The following HYDIN variants were observed in gnomAD, a reference collection of about 807,000 sequenced individuals.
HYDIN encodes axonemal central pair apparatus protein HYDIN.
In HYDIN, 132 loss-of-function variants were observed where a neutral mutation model predicts 403.9. The observed-to-expected ratio is 0.33, with a 90% CI of 0.28 to 0.38. The LOEUF is 0.38. Ranked by LOEUF, HYDIN falls within the 10% of genes least tolerant of loss-of-function variation. The pLI is 1.00. For synonymous variants in HYDIN, 1,202 were observed against 1,891.7 expected (o/e 0.64, Z 9.46); for missense variants, 2,827 against 5,009.5 (o/e 0.56, Z 13.15).
In HYDIN at chr16:70,952,488, CT is replaced by C; in HGVS notation, c.6463del (p.Ser2155AlafsTer50). 6.4e-7 allele frequency: 1 copy of C among 1,571,440 alleles called. No homozygotes were observed. Among genetic ancestry groups the C allele is most frequent in the Non-Finnish European group, 8.7e-7 (1 of 1,154,982 alleles). On this transcript the variant is annotated frameshift_variant, in exon 41 of 86. Coordinates refer to ENST00000393567, the MANE Select transcript of HYDIN (RefSeq NM_001270974.2). LOFTEE classifies it high-confidence loss of function. Reference sequence around the variant, plus strand: ...CCCGGAGCCATGGCTGTCTGCCTTGCTTTTGGTGATCACCACGCTCCCACGA... The same window carrying C: ...CCCGGAGCCATGGCTGTCTGCCTTGCTTTGGTGATCACCACGCTCCCACGA... ...SVRGSVVITK[S>X]KADSHGSGSQ...
At chr16:70,812,724 A>G (rs113800798) in intron 84 of HYDIN, among the ~76,000 whole-genome samples, 68 of 152,380 alleles carry the variant, frequency 4.5e-4, no homozygotes, top group Non-Finnish European at 9.0e-4. Flanking sequence ...GACTTAAATA[A>G]GTGGAGATTT....
chr16:71,022,900 C>T (rs923284472), intron 21 of HYDIN, among the ~76,000 whole-genome samples: 1 of 151,758 alleles, frequency 6.6e-6, no homozygotes, highest in Non-Finnish European at 1.5e-5. Context: ...CATGCCCCCC[C>T]AAAAGGCATA....
intron 10 of HYDIN, among the ~76,000 whole-genome samples, chr16:71,103,923 T>A (rs1404071449): frequency 3.9e-5 from 6 of 152,210 alleles, no homozygotes; most frequent in Admixed American, 6.5e-5. Flanking sequence ...ATTTTTCTAT[T>A]TGTTTAGGTC....
intron 1 of HYDIN, among the ~76,000 whole-genome samples, chr16:71,223,922 A>T (rs182754071): frequency 1.3e-5 from 2 of 152,342 alleles, no homozygotes; most frequent in East Asian, 3.9e-4. Flanking sequence ...CTACCATTTC[A>T]TCCAGCAATC....
chr16:70,979,548 A>C (rs547600157), intron 29 of HYDIN, among the ~76,000 whole-genome samples: 366 of 152,328 alleles, frequency 2.4e-3, no homozygotes, highest in African/African-American at 8.4e-3. Context: ...GAGGGTAGGT[A>C]ATCGGTGGAG....
intron 3 of HYDIN, among the ~76,000 whole-genome samples, chr16:71,182,481 T>C (rs2086949456): frequency 2.0e-5 from 3 of 152,060 alleles, no homozygotes; most frequent in Admixed American, 2.0e-4. Flanking sequence ...ATAGCACTTA[T>C]CATTGGATCA....
At chr16:70,926,378 G>A (rs1037402167) in intron 45 of HYDIN, among the ~76,000 whole-genome samples, 5 of 151,630 alleles carry the variant, frequency 3.3e-5, no homozygotes, top group South Asian at 2.1e-4. Context: ...ACCAAACACC[G>A]CATGTTCTCA....
intron 52 of HYDIN, among the ~76,000 whole-genome samples, chr16:70,901,413 C>T (rs1242816601): frequency 6.6e-6 from 1 of 151,564 alleles, no homozygotes; most frequent in Non-Finnish European, 1.5e-5. Context: ...TCTCCCTCCT[C>T]CCACCCTCCA....
At chr16:71,183,580 T>C (rs2086997580) in intron 3 of HYDIN, among the ~76,000 whole-genome samples, 2 of 152,138 alleles carry the variant, frequency 1.3e-5, no homozygotes, top group African/African-American at 2.4e-5. Context: ...CATACCATCA[T>C]TTAAAGTCAG....
At chr16:71,176,192 C>A (rs1236630879) in intron 4 of HYDIN, among the ~76,000 whole-genome samples, 1 of 149,744 alleles carries the variant, frequency 6.7e-6, no homozygotes, top group Non-Finnish European at 1.5e-5. Flanking sequence ...GTAGTCCCAG[C>A]TACTGGGGAG....
At chr16:71,179,301 C>A (rs1297876607) in intron 3 of HYDIN, among the ~76,000 whole-genome samples, 1 of 149,958 alleles carries the variant, frequency 6.7e-6, no homozygotes, top group Non-Finnish European at 1.5e-5. Context: ...TTCAACATCA[C>A]AAGTCAGAAG....
intron 13 of HYDIN, among the ~76,000 whole-genome samples, chr16:71,069,745 A>G (rs2082400201): frequency 6.6e-6 from 1 of 152,244 alleles, no homozygotes; most frequent in Non-Finnish European, 1.5e-5. Flanking sequence ...CTATGCATTT[A>G]CTATGTGGGA....
chr16:70,970,238 A>G (rs1180405505), intron 36 of HYDIN, among the ~76,000 whole-genome samples: 2 of 73,536 alleles, frequency 2.7e-5, no homozygotes, highest in African/African-American at 1.1e-4. Context: ...CTGATAGCAT[A>G]TTTTTTAAAA....
chr16:71,171,260 C>T (rs1207917825), intron 5 of HYDIN, among the ~76,000 whole-genome samples: 1 of 152,188 alleles, frequency 6.6e-6, no homozygotes, highest in Non-Finnish European at 1.5e-5. Context: ...CTTAAGTTAG[C>T]CCAAATGTCA....
intron 1 of HYDIN, among the ~76,000 whole-genome samples, chr16:71,205,808 CA>C: frequency 6.6e-6 from 1 of 152,210 alleles, no homozygotes; most frequent in Non-Finnish European, 1.5e-5. Flanking sequence ...AGACCCTACC[CA>C]CCCCTGCCAC....
At chr16:70,817,987 C>T (rs534511180) in intron 84 of HYDIN, among the ~76,000 whole-genome samples, 3 of 152,288 alleles carry the variant, frequency 2.0e-5, no homozygotes, top group Admixed American at 1.3e-4. Context: ...AGTGATCTGC[C>T]GTCCCTGGCC....
intron 5 of HYDIN, among the ~76,000 whole-genome samples, chr16:71,172,957 G>T (rs1050902127): frequency 6.6e-6 from 1 of 152,180 alleles, no homozygotes; most frequent in African/African-American, 2.4e-5. Context: ...GGAGCAGCCC[G>T]AAAGACAGCA....
intron 1 of HYDIN, among the ~76,000 whole-genome samples, chr16:71,214,460 A>G (rs1303719132): frequency 6.6e-6 from 1 of 152,194 alleles, no homozygotes; most frequent in Non-Finnish European, 1.5e-5. Flanking sequence ...TTGAAGAAGA[A>G]CAAATTAAAT....
chr16:71,103,980 T>C (rs2083535730), intron 10 of HYDIN, among the ~76,000 whole-genome samples: 1 of 152,176 alleles, frequency 6.6e-6, no homozygotes, highest in Non-Finnish European at 1.5e-5. Context: ...ATATGGGTCT[T>C]GTATACATTT....
Sources: gnomAD v4.1 joint callset for allele counts (sites outside exome capture counted in the v4.1 genomes callset) on GRCh38, gnomAD v4.1.1 for gene constraint, MANE v1.5 for transcripts, NCBI Gene and HGNC (gene_info 2026-07-23, HGNC 2026-07-21) for gene names.